COL5A2: variants seen among roughly 807,000 people sequenced by gnomAD.
The protein encoded by COL5A2 is collagen alpha-2(V) chain.
In COL5A2, 23 loss-of-function variants were observed where a neutral mutation model predicts 208.2. That is an observed-to-expected ratio of 0.11 (90% CI 0.08 to 0.16). COL5A2 has a LOEUF of 0.16. COL5A2 is among the 10% of genes least tolerant of loss of function. COL5A2 has a pLI of 1.00. For synonymous variants in COL5A2, 625 were observed against 628.5 expected (o/e 0.99, Z 0.08); for missense variants, 1,590 against 1,956.4 (o/e 0.81, Z 3.53).
At chr2:189,101,256 A>G (rs958691575) in intron 3 of COL5A2, among the ~76,000 whole-genome samples, 2 of 152,052 alleles carry the variant, frequency 1.3e-5, no homozygotes, top group Non-Finnish European at 2.9e-5. Flanking sequence ...TTTCATATAT[A>G]TTATCCTTTA....
At chr2:189,134,910 T>C (rs1157174225) in intron 1 of COL5A2, among the ~76,000 whole-genome samples, 2 of 152,240 alleles carry the variant, frequency 1.3e-5, no homozygotes, top group Non-Finnish European at 2.9e-5. Context: ...AGCTTCTGCA[T>C]GCCTTATTAA....
intron 1 of COL5A2, among the ~76,000 whole-genome samples, chr2:189,155,430 T>C (rs1259371022): frequency 6.6e-6 from 1 of 152,178 alleles, no homozygotes; most frequent in Non-Finnish European, 1.5e-5. Context: ...CCACTCTGTG[T>C]GAAGTAGTAC....
chr2:189,419,901 G>A, the COL5A2 span, among the ~76,000 whole-genome samples: 1 of 140,974 alleles, frequency 7.1e-6, no homozygotes, highest in Non-Finnish European at 1.5e-5. Context: ...GAGGAGAGGA[G>A]AAGAGGAGGA....
At chr2:189,437,269 G>T in the COL5A2 span, among the ~76,000 whole-genome samples, 4 of 152,304 alleles carry the variant, frequency 2.6e-5, no homozygotes, top group African/African-American at 9.6e-5. Flanking sequence ...TTTGTATATA[G>T]AGCTGCCATT....
chr2:189,066,292 G>A, intron 23 of COL5A2, 98 bp downstream of exon 23: 1 of 1,137,566 alleles, frequency 8.8e-7, no homozygotes, highest in South Asian at 1.2e-5. Flanking sequence ...GAACCTGCAA[G>A]CATTTCTCTT....
the COL5A2 span, among the ~76,000 whole-genome samples, chr2:189,273,245 A>G: frequency 1.1e-4 from 16 of 152,262 alleles, no homozygotes; most frequent in South Asian, 3.3e-3. Context: ...TGCTTTCCAT[A>G]GCTTACCACT....
intron 2 of COL5A2, among the ~76,000 whole-genome samples, chr2:189,106,646 T>A (rs889614902): frequency 6.6e-6 from 1 of 151,342 alleles, no homozygotes; most frequent in Non-Finnish European, 1.5e-5. Flanking sequence ...TAAATGGTAA[T>A]GGTGATAATG....
chr2:189,313,354 T>C, the COL5A2 span, among the ~76,000 whole-genome samples: 1 of 152,110 alleles, frequency 6.6e-6, no homozygotes, highest in Non-Finnish European at 1.5e-5. Context: ...ATTTCATAAA[T>C]GAAGGAGAAA....
the COL5A2 span, among the ~76,000 whole-genome samples, chr2:189,325,703 C>A: frequency 6.6e-6 from 1 of 152,182 alleles, no homozygotes. Context: ...TACTTTCACT[C>A]TAACACTTTA....
At chr2:189,115,245 C>T (rs1576536935) in intron 1 of COL5A2, among the ~76,000 whole-genome samples, 1 of 152,056 alleles carries the variant, frequency 6.6e-6, no homozygotes, top group African/African-American at 2.4e-5. Context: ...ATCTTAAGTG[C>T]TTTTAAATTT....
At chr2:189,188,394 T>C (rs1273657353) in intron 1 of COL5A2, among the ~76,000 whole-genome samples, 2 of 152,248 alleles carry the variant, frequency 1.3e-5, no homozygotes, top group Admixed American at 6.5e-5. Context: ...ATCCATGCTG[T>C]TGCACGTATA....
chr2:189,354,463 T>C, the COL5A2 span, among the ~76,000 whole-genome samples: 1 of 152,220 alleles, frequency 6.6e-6, no homozygotes, highest in African/African-American at 2.4e-5. Context: ...CAGAACTTGT[T>C]ATTGGTCTAT....
At chr2:189,436,109 T>C in the COL5A2 span, among the ~76,000 whole-genome samples, 1 of 152,120 alleles carries the variant, frequency 6.6e-6, no homozygotes, top group Non-Finnish European at 1.5e-5. Flanking sequence ...TTCTCACTCA[T>C]AGGTGGGAAT....
upstream of COL5A2, among the ~76,000 whole-genome samples, chr2:189,229,441 C>CA (rs1553531362): frequency 0.44 from 47,438 of 107,032 alleles, 7,872 homozygotes; most frequent in Admixed American, 0.51. Flanking sequence ...TACACACACA[C>CA]AAAAAAAAAA....
At chr2:189,201,921 C>T (rs1689072055) in intron 1 of COL5A2, among the ~76,000 whole-genome samples, 1 of 151,166 alleles carries the variant, frequency 6.6e-6, no homozygotes, top group East Asian at 1.9e-4. Flanking sequence ...TCTAAATAAT[C>T]CATTGATCAT....
intron 1 of COL5A2, among the ~76,000 whole-genome samples, chr2:189,215,762 C>T (rs888186535): frequency 1.3e-5 from 2 of 152,056 alleles, no homozygotes; most frequent in African/African-American, 4.8e-5. Flanking sequence ...AAAGTAGTTT[C>T]CCTGTCCAGA....
chr2:189,343,772 T>C, the COL5A2 span, among the ~76,000 whole-genome samples: 1 of 152,148 alleles, frequency 6.6e-6, no homozygotes, highest in African/African-American at 2.4e-5. Context: ...TTTATTAAAC[T>C]AACAACATTA....
rs1270917752 is a variant in COL5A2, at chr2:189,057,020, T to C, written c.2344A>G (p.Ile782Val). The C allele has an allele frequency of 1.2e-6, 2 of 1,613,812 alleles. No homozygotes were observed. The highest frequency in any genetic ancestry group is 2.2e-5 in the East Asian group (1 of 44,874). Residue 782 changes from isoleucine to valine, a missense_variant, in exon 35 of 54, where the codon ATA becomes GTA. By Grantham distance (29) the Ile-to-Val change is conservative. Transcript: ENST00000374866. ...TPGPKGDRGG[I>V]GEKGAEGTAG... Reference sequence around the variant, plus strand: ...GTGCCTTCAGCACCTTTTTCTCCTATGCCACCCTGGGAAAACACACAAAAT... The same window carrying C: ...GTGCCTTCAGCACCTTTTTCTCCTACGCCACCCTGGGAAAACACACAAAAT...
intron 1 of COL5A2, among the ~76,000 whole-genome samples, chr2:189,159,974 A>AC (rs1310135496): frequency 6.6e-6 from 1 of 152,158 alleles, no homozygotes; most frequent in Non-Finnish European, 1.5e-5. Context: ...ATTGCCTGCC[A>AC]CAGGTTTGGT....
Sources: gnomAD v4.1 joint callset for allele counts (sites outside exome capture counted in the v4.1 genomes callset) on GRCh38, gnomAD v4.1.1 for gene constraint, MANE v1.5 for transcripts, NCBI Gene and HGNC (gene_info 2026-07-23, HGNC 2026-07-21) for gene names.